The following NRXN3 variants were observed in gnomAD, a reference collection of about 807,000 sequenced individuals.
NRXN3 encodes neurexin III.
In NRXN3, 32 loss-of-function variants were observed where a neutral mutation model predicts 137.6. That is an observed-to-expected ratio of 0.23 (90% confidence interval 0.18 to 0.31). NRXN3 has a LOEUF of 0.31. NRXN3 is among the 10% of genes least tolerant of loss of function. NRXN3 has a pLI of 1.00. For synonymous variants in NRXN3, 798 were observed against 784.5 expected, an observed-to-expected ratio of 1.02 and a Z score of -0.29; for missense variants, 1,574 against 2,062.5, an observed-to-expected ratio of 0.76 and a Z score of 4.59.
At chr14:79,340,464 A>G (rs1177275787) in intron 15 of NRXN3, among the ~76,000 whole-genome samples, 1 of 152,032 alleles carries the variant, frequency 6.6e-6, no homozygotes, top group Non-Finnish European at 1.5e-5. Context: ...TTATTTACGT[A>G]TGTATGTATG....
chr14:78,206,732 A>G (rs965218262), intron 1 of NRXN3, among the ~76,000 whole-genome samples: 1 of 152,176 alleles, frequency 6.6e-6, no homozygotes, highest in Admixed American at 6.5e-5. Flanking sequence ...CCCGTTTCAT[A>G]ACTGGCAGGG....
chr14:78,940,166 C>T (rs564835822), intron 10 of NRXN3, among the ~76,000 whole-genome samples: 7 of 152,144 alleles, frequency 4.6e-5, no homozygotes, highest in East Asian at 1.9e-4. Context: ...CGGAAGTACT[C>T]GACATTTGCT....
chr14:78,788,936 G>A (rs2098797351), intron 8 of NRXN3, among the ~76,000 whole-genome samples: 1 of 152,216 alleles, frequency 6.6e-6, no homozygotes, highest in Admixed American at 6.5e-5. Flanking sequence ...AGCACACCAA[G>A]CAATGATTCT....
intron 6 of NRXN3, among the ~76,000 whole-genome samples, chr14:78,666,436 A>G (rs1044034976): frequency 1.3e-5 from 2 of 152,210 alleles, no homozygotes; most frequent in Non-Finnish European, 2.9e-5. Flanking sequence ...TGGATGACCC[A>G]TAACTTCTAG....
At chr14:79,506,371 T>A (rs760917070) in intron 16 of NRXN3, among the ~76,000 whole-genome samples, 12 of 152,196 alleles carry the variant, frequency 7.9e-5, no homozygotes, top group Admixed American at 2.0e-4. Context: ...AAGAGAAAAG[T>A]GTTCCTTATT....
intron 15 of NRXN3, among the ~76,000 whole-genome samples, chr14:79,315,256 C>A (rs1420326927): frequency 6.6e-6 from 1 of 152,184 alleles, no homozygotes; most frequent in African/African-American, 2.4e-5. Flanking sequence ...GTCTTCATAG[C>A]AATCTCAAAG....
chr14:79,756,714 C>T (rs1207184950), intron 19 of NRXN3, among the ~76,000 whole-genome samples: 1 of 152,160 alleles, frequency 6.6e-6, no homozygotes, highest in African/African-American at 2.4e-5. Flanking sequence ...AGTCAAAGTG[C>T]TCCCAATAAG....
At chr14:78,281,787 G>A (rs2074445701) in intron 3 of NRXN3, among the ~76,000 whole-genome samples, 2 of 152,170 alleles carry the variant, frequency 1.3e-5, no homozygotes, top group African/African-American at 4.8e-5. Context: ...TCAGTAACTT[G>A]CCCAGGTCAC....
intron 15 of NRXN3, among the ~76,000 whole-genome samples, chr14:79,209,486 G>T (rs1404249789): frequency 1.3e-5 from 2 of 152,144 alleles, no homozygotes; most frequent in Non-Finnish European, 2.9e-5. Flanking sequence ...TACTATGTGA[G>T]AGACTCTCAT....
rs183622383 is a variant in NRXN3, at chr14:79,335,259, G to A, written c.3263-131962G>A. ...GATTTGTTGGCATGGTGGGATGTGT[G>A]TATTTGTGTGTGTGTGTGCAAGTAG... On this transcript the variant is annotated intron_variant, in intron 15 of 20. Transcript: ENST00000335750. Among the ~76,000 whole-genome samples, 944 of 152,228 alleles carry A rather than the reference G, an allele frequency of 6.2e-3. 6 individuals are homozygous for A. Among genetic ancestry groups the A allele is most frequent in the Admixed American group, 9.9e-3 (151 of 15,284 alleles).
In NRXN3 at chr14:78,423,581, G is replaced by A. The variant is rs76733454; in HGVS notation, c.757+125721G>A. Among the ~76,000 whole-genome samples the A allele has an allele frequency of 7.4e-3, 1,120 of 152,300 alleles. 22 individuals are homozygous for A. The highest frequency in any genetic ancestry group is 0.026 in the African/African-American group (1,073 of 41,562). On this transcript the variant is annotated intron_variant, in intron 4 of 20. Transcript: ENST00000335750. ...ATAATGGAGGTGGAGTGGGGAGACA[G>A]AAGTATGTTAATTAAGACTAAAGGC...
At chr14:78,228,834 A>G (rs17107182) in intron 1 of NRXN3, among the ~76,000 whole-genome samples, 3,559 of 152,238 alleles carry the variant, frequency 0.023, 88 homozygotes, top group East Asian at 0.13. Context: ...TAGGGCAAAC[A>G]ATGAGCAACT....
chr14:79,464,679 C>T (rs1352234551), intron 15 of NRXN3, among the ~76,000 whole-genome samples: 5 of 152,060 alleles, frequency 3.3e-5, no homozygotes, highest in Non-Finnish European at 7.4e-5. Flanking sequence ...TAAGTACAGA[C>T]AACTGTTTGC....
intron 4 of NRXN3, among the ~76,000 whole-genome samples, chr14:78,571,112 T>C (rs1019450511): frequency 2.6e-5 from 4 of 152,240 alleles, no homozygotes; most frequent in Admixed American, 2.6e-4. Context: ...CTTCCACATA[T>C]GGTTCTCAGG....
At chr14:79,494,169 C>T (rs72690751) in intron 16 of NRXN3, among the ~76,000 whole-genome samples, 5 of 152,262 alleles carry the variant, frequency 3.3e-5, no homozygotes, top group Admixed American at 2.0e-4. Flanking sequence ...AAATGGTATA[C>T]CTACAGATAT....
intron 16 of NRXN3, among the ~76,000 whole-genome samples, chr14:79,640,782 T>A (rs2098428324): frequency 7.4e-6 from 1 of 135,314 alleles, no homozygotes; most frequent in South Asian, 2.3e-4. Context: ...TGAGGCTGAG[T>A]ACAAACAGCA....
chr14:78,791,196 A>C (rs2098804104), intron 8 of NRXN3, among the ~76,000 whole-genome samples: 1 of 152,162 alleles, frequency 6.6e-6, no homozygotes, highest in African/African-American at 2.4e-5. Flanking sequence ...TTGAGCTCTA[A>C]GTTTTAGTTA....
intron 15 of NRXN3, among the ~76,000 whole-genome samples, chr14:79,042,862 A>G (rs1183728083): frequency 6.6e-6 from 1 of 152,166 alleles, no homozygotes; most frequent in Non-Finnish European, 1.5e-5. Flanking sequence ...AACTAGCACA[A>G]GAGAAACCAA....
intron 15 of NRXN3, among the ~76,000 whole-genome samples, chr14:79,327,701 T>G (rs2091096957): frequency 6.6e-6 from 1 of 152,212 alleles, no homozygotes; most frequent in African/African-American, 2.4e-5. Context: ...GTGCTTCTTT[T>G]TATGATTAAT....
Sources: gnomAD v4.1 joint callset for allele counts (sites outside exome capture counted in the v4.1 genomes callset) on GRCh38, gnomAD v4.1.1 for gene constraint, MANE v1.5 for transcripts, NCBI Gene and HGNC (gene_info 2026-07-23, HGNC 2026-07-21) for gene names.